The following PFAS variants were observed in gnomAD, a reference collection of about 807,000 sequenced individuals.
PFAS encodes phosphoribosylformylglycinamidine synthase.
Under a neutral mutation model 140.6 loss-of-function variants are expected in PFAS, and 97 were observed. That is an observed-to-expected ratio of 0.69 (90% CI 0.59 to 0.82). The LOEUF (loss-of-function observed/expected upper bound fraction) is 0.82. Among genes scored for constraint, PFAS ranks in the 40% least tolerant of loss-of-function variants. The pLI, the probability that PFAS is intolerant of heterozygous loss-of-function variation, is 0.00. For missense variants in PFAS, 1,656 were observed against 1,780.2 expected, an observed-to-expected ratio of 0.93 and a Z score of 1.26; for synonymous variants, 679 against 718.8, an observed-to-expected ratio of 0.94 and a Z score of 0.88.
At chr17:8,260,168 A>G (rs977522770) in intron 11 of PFAS, among the ~76,000 whole-genome samples, 1 of 149,326 alleles carries the variant, frequency 6.7e-6, no homozygotes, top group Non-Finnish European at 1.5e-5. Flanking sequence ...TATTGTCATT[A>G]TGAAGTATTA....
At chr17:8,260,859 C>T (rs1597422985) in intron 11 of PFAS, among the ~76,000 whole-genome samples, 2 of 152,286 alleles carry the variant, frequency 1.3e-5, no homozygotes, top group African/African-American at 4.8e-5. Flanking sequence ...CTCCCGATCT[C>T]GTGATCCGCC....
chr17:8,262,901 C>T lies in PFAS; in HGVS notation c.1337-19C>T, dbSNP rs1242872470. 1.2e-6 allele frequency: 2 copies of T among 1,607,444 alleles called. No homozygotes were observed. Among genetic ancestry groups the T allele is most frequent in the Non-Finnish European group, 1.7e-6 (2 of 1,174,028 alleles). ...TCGTGGCTTCCCCAGTGTTCTGATT[C>T]TGCCTTCCCTTCTTACAGGCATGGA... On this transcript the variant is annotated intron_variant, in intron 11 of 27. Transcript: ENST00000314666.
Position 8,267,246 on chromosome 17 carries a change from G to T in PFAS, c.3175+11G>T, listed in dbSNP as rs373599475. On this transcript the variant is annotated intron_variant, in intron 24 of 27. Transcript: ENST00000314666. The surrounding 1 kb of genome is among the most constrained non-coding windows in gnomAD (Gnocchi z 4.9). ...TGCCCCGTGAGCCTGGTGAGGGAGT[G>T]TGTGCAGAGGCTCCGCGTCCTGGGG... 21 of 1,604,512 alleles carry T rather than the reference G, an allele frequency of 1.3e-5. No individual in the cohort carries two copies. The highest frequency in any genetic ancestry group is 6.7e-5 in the African/African-American group (5 of 74,860).
At chr17:8,252,154 C>T (rs932931246) in intron 1 of PFAS, among the ~76,000 whole-genome samples, 7 of 151,038 alleles carry the variant, frequency 4.6e-5, no homozygotes, top group South Asian at 2.1e-4. Flanking sequence ...ATTAGCTGGG[C>T]GTGGTGGCGC....
Position 8,269,393 on chromosome 17 carries a change from C to A in PFAS, c.*129C>A. Reference sequence around the variant, plus strand: ...CTTGGACAGACAAGGACCAAAATGCCAAAATCTCAGCGGACTCGATAATCT... The same window carrying A: ...CTTGGACAGACAAGGACCAAAATGCAAAAATCTCAGCGGACTCGATAATCT... On this transcript the variant is annotated 3_prime_UTR_variant, in exon 28 of 28. Transcript: ENST00000314666. 3.1e-6 allele frequency: 2 copies of A among 652,314 alleles called. No homozygotes were observed. The highest frequency in any genetic ancestry group is 5.3e-6 in the Non-Finnish European group (2 of 376,656). The allele number at this position is 652,314 out of a possible 1,614,324, so 40.4% of individuals were successfully genotyped here.
At chr17:8,247,878 A>G, upstream of PFAS, 2 of 915,506 alleles carry the variant, frequency 2.2e-6, no homozygotes, top group Middle Eastern at 2.2e-4. Flanking sequence ...CCGACTCACA[A>G]CCCCCTCACC....
At chr17:8,260,109 A>T (rs1989532123) in intron 11 of PFAS, among the ~76,000 whole-genome samples, 1 of 151,994 alleles carries the variant, frequency 6.6e-6, no homozygotes, top group African/African-American at 2.4e-5. Flanking sequence ...TCAAAAAAAA[A>T]AAAATTTTTT....
intron 11 of PFAS, among the ~76,000 whole-genome samples, chr17:8,258,985 CAA>C (rs570981517): frequency 5.3e-4 from 47 of 88,426 alleles, no homozygotes; most frequent in Admixed American, 1.3e-3. Flanking sequence ...GACTCCATCT[CAA>C]AAAAAAAAAA....
At chr17:8,248,422 T>TTTTTTTC (rs1988967300), upstream of PFAS, among the ~76,000 whole-genome samples, 1 of 134,564 alleles carries the variant, frequency 7.4e-6, no homozygotes, top group Non-Finnish European at 1.6e-5. Context: ...TTTTTTTTTT[T>TTTTTTTC]TTTTTTTTTT....
At position 8,267,534 on chromosome 17, in the gene PFAS, C is replaced by T. The variant is rs748979444; in HGVS notation, c.3268-17C>T. 3.8e-6 allele frequency: 6 copies of T among 1,589,736 alleles called. No homozygotes were observed. The highest frequency in any genetic ancestry group is 2.7e-5 in the African/African-American group (2 of 74,456). ...TGCGTGTCCTCCCACCCACACTCCC[C>T]CTCCCCACCTTCGCAGGTATGGGAC... On this transcript the variant is annotated splice_polypyrimidine_tract_variant and intron_variant, in intron 25 of 27. Coordinates refer to ENST00000314666, the MANE Select transcript of PFAS (RefSeq NM_012393.3). This position sits in a 1 kb window ranked among gnomAD's most constrained non-coding sequence, Gnocchi z 4.9.
chr17:8,260,666 C>T (rs1375556608), intron 11 of PFAS, among the ~76,000 whole-genome samples: 1 of 152,188 alleles, frequency 6.6e-6, no homozygotes, highest in Non-Finnish European at 1.5e-5. Flanking sequence ...GCTCTGTCGC[C>T]CAAGCTGGAG....
chr17:8,251,071 AG>A (rs1989131172), intron 1 of PFAS, among the ~76,000 whole-genome samples: 1 of 151,888 alleles, frequency 6.6e-6, no homozygotes, highest in African/African-American at 2.4e-5. Flanking sequence ...GTGGATCACG[AG>A]TTCAAGAGAT....
chr17:8,268,609 C>T lies in PFAS; in HGVS notation c.3459C>T (p.Phe1153=). The change falls in exon 27 of 28, where the codon TTC becomes TTT. Residue 1153 remains phenylalanine, a synonymous_variant. Coordinates refer to ENST00000314666, the MANE Select transcript of PFAS (RefSeq NM_012393.3). ...GCTTCCGGAAGCGGCCAGACACCTT[C>T]AGCCTGGGCGTGTGTAATGGCTGTC... ...LRRFRKRPDT[F]SLGVCNGCQL... is the part of the protein sequence containing the mutation. 2 of 1,613,644 alleles carry T rather than the reference C, an allele frequency of 1.2e-6. No homozygotes were observed. Among genetic ancestry groups the T allele is most frequent in the Non-Finnish European group, 8.5e-7 (1 of 1,180,006 alleles).
At chr17:8,253,784 C>T (rs1989250122) in intron 1 of PFAS, 75 bp from the exon 2 acceptor site, 6 of 1,084,102 alleles carry the variant, frequency 5.5e-6, no homozygotes, top group Non-Finnish European at 7.6e-6. Context: ...GGCAATCCAC[C>T]TGCCTCAGTC....
intron 10 of PFAS, 39 bp from the exon 11 acceptor site, chr17:8,258,032 G>A (rs1311743125): frequency 1.2e-6 from 2 of 1,613,706 alleles, no homozygotes; most frequent in South Asian, 2.2e-5. Flanking sequence ...GAGCACTGGG[G>A]GAACTGAGTG....
In PFAS at chr17:8,265,635, G is replaced by T. The variant is rs151259500; in HGVS notation, c.2541G>T (p.Gly847=). Residue 847 remains glycine, a synonymous_variant, in exon 20 of 28, where the codon GGG becomes GGT. Coordinates refer to ENST00000314666, the MANE Select transcript of PFAS (RefSeq NM_012393.3). ...TVTPDLKHPE[G]RGHLLYVALS... The stretch of plus-strand genomic sequence containing the variant: ...CCCCAGACCTCAAGCATCCTGAAGG[G>T]AGAGGTATGGACATGGCCCCATCCT... The T allele has an allele frequency of 3.3e-4, 530 of 1,612,260 alleles. No individual in the cohort carries two copies. The highest frequency in any genetic ancestry group is 3.7e-4 in the Non-Finnish European group (436 of 1,178,454).
chr17:8,248,098 G>C (rs1003211163), upstream of PFAS: 15 of 1,027,694 alleles, frequency 1.5e-5, no homozygotes, highest in East Asian at 2.6e-5. Context: ...GGATGGGGGT[G>C]GGGGGGCGCT....
intron 11 of PFAS, among the ~76,000 whole-genome samples, chr17:8,260,236 A>G (rs995775319): frequency 2.0e-5 from 3 of 152,140 alleles, no homozygotes; most frequent in African/African-American, 7.2e-5. Flanking sequence ...GCAGTATAGT[A>G]GGTTTATTTA....
At chr17:8,264,698 G>A in intron 17 of PFAS, 97 bp downstream of exon 17, 1 of 1,360,106 alleles carries the variant, frequency 7.4e-7, no homozygotes, top group Non-Finnish European at 1.0e-6. Flanking sequence ...GTTTTTGCCT[G>A]GCCCTGCAGG....
Sources: gnomAD v4.1 joint callset for allele counts (sites outside exome capture counted in the v4.1 genomes callset) on GRCh38, gnomAD v4.1.1 for gene constraint, Gnocchi (gnomAD v3.1) non-coding constraint, MANE v1.5 for transcripts, NCBI Gene and HGNC (gene_info 2026-07-23, HGNC 2026-07-21) for gene names.